Variants in PLCXD3 observed in about 807,000 individuals in gnomAD.
The protein encoded by PLCXD3 is PI-PLC X domain-containing protein 3.
In PLCXD3, 19 loss-of-function variants were observed where a neutral mutation model predicts 25.5. The observed-to-expected ratio is 0.75, with a 90% CI of 0.52 to 1.09. PLCXD3 has a LOEUF of 1.09. Ranked by LOEUF, PLCXD3 falls within the 50% of genes least tolerant of loss-of-function variation. PLCXD3 has a pLI of 0.00. For missense variants in PLCXD3, 411 were observed against 388.1 expected, an observed-to-expected ratio of 1.06 and a Z score of -0.50; for synonymous variants, 174 against 137.6, an observed-to-expected ratio of 1.26 and a Z score of -1.85.
intron 2 of PLCXD3, among the ~76,000 whole-genome samples, chr5:41,328,401 C>A (rs1743694102): frequency 6.6e-6 from 1 of 152,076 alleles, no homozygotes; most frequent in Non-Finnish European, 1.5e-5. Flanking sequence ...TTTCACAATT[C>A]CAAAGACAGA....
At position 41,330,858 on chromosome 5, in the gene PLCXD3, C is replaced by A. The variant is rs1400864386; in HGVS notation, c.813-17088G>T. On this transcript the variant is annotated intron_variant, in intron 2 of 2. Coordinates refer to ENST00000377801, the MANE Select transcript of PLCXD3 (RefSeq NM_001005473.3). ...AAAGACAAAAACCACATGATTATCT[C>A]AATAGATGCAGAAAAGACCTTTGAC... Among the ~76,000 whole-genome samples, 7 of 152,188 alleles carry A rather than the reference C, an allele frequency of 4.6e-5. No individual in the cohort carries two copies. The South Asian group carries it at 1.2e-3, about 27-fold the overall frequency.
At chr5:41,421,227 C>A (rs917696630) in intron 1 of PLCXD3, among the ~76,000 whole-genome samples, 12 of 152,188 alleles carry the variant, frequency 7.9e-5, no homozygotes, top group African/African-American at 2.7e-4. Context: ...GTTTGTGCAA[C>A]AGTTTTATAA....
intron 1 of PLCXD3, among the ~76,000 whole-genome samples, chr5:41,398,315 G>A (rs924867145): frequency 6.6e-6 from 1 of 152,134 alleles, no homozygotes; most frequent in African/African-American, 2.4e-5. Context: ...TTGTTTGAAG[G>A]TGTGTAGAAC....
Position 41,492,000 on chromosome 5 carries a change from T to C in PLCXD3, c.103+18424A>G, listed in dbSNP as rs182851613. Among the ~76,000 whole-genome samples, 242 of 152,352 alleles carry C rather than the reference T, an allele frequency of 1.6e-3. 1 individual carries two copies. The highest frequency in any genetic ancestry group is 5.0e-3 in the African/African-American group (206 of 41,584). ...TTATGATGTTAGCTGGTTATTTTGC[T>C]CATTAGTTGATGCACTTTCTTCCTA... On this transcript the variant is annotated intron_variant, in intron 1 of 2. Transcript: ENST00000377801.
At chr5:41,350,514 G>C (rs1388546052) in intron 2 of PLCXD3, among the ~76,000 whole-genome samples, 1 of 152,114 alleles carries the variant, frequency 6.6e-6, no homozygotes. Flanking sequence ...TTAGAGTATA[G>C]ATGCATTCCA....
chr5:41,487,644 A>G (rs930912369), intron 1 of PLCXD3, among the ~76,000 whole-genome samples: 1 of 152,244 alleles, frequency 6.6e-6, no homozygotes, highest in East Asian at 1.9e-4. Context: ...AAAATGGAGT[A>G]GACTAAATTA....
Position 41,381,846 on chromosome 5 carries a change from G to A in PLCXD3, c.792C>T (p.Leu264=). 6.2e-7 allele frequency: 1 copy of A among 1,608,292 alleles called. No homozygotes were observed. The highest frequency in any genetic ancestry group is 8.5e-7 in the Non-Finnish European group (1 of 1,177,756). ...STVVKGVASG[L]RETITERALP... ...CTTACCTTTCTGTGATTGTTTCTCT[G>A]AGGCCACTTGCCACCCCTTTGACCA... The change falls in exon 2 of 3, where the codon CTC becomes CTT. Residue 264 remains leucine (L), a synonymous_variant. Transcript: ENST00000377801.
At chr5:41,333,124 A>AAAACAAAC (rs528236304) in intron 2 of PLCXD3, among the ~76,000 whole-genome samples, 9 of 151,802 alleles carry the variant, frequency 5.9e-5, no homozygotes, top group African/African-American at 1.5e-4. Context: ...ATAAAAGACA[A>AAAACAAAC]AAACAAACAA....
chr5:41,399,636 A>G (rs1442991140), intron 1 of PLCXD3, among the ~76,000 whole-genome samples: 1 of 152,138 alleles, frequency 6.6e-6, no homozygotes, highest in Admixed American at 6.5e-5. Flanking sequence ...AAAACTGGCT[A>G]TCCATATGCA....
chr5:41,378,373 C>T (rs1305281742), intron 2 of PLCXD3, among the ~76,000 whole-genome samples: 1 of 152,058 alleles, frequency 6.6e-6, no homozygotes, highest in African/African-American at 2.4e-5. Flanking sequence ...AGAGTGCCAG[C>T]ACATCTATAA....
intron 2 of PLCXD3, among the ~76,000 whole-genome samples, chr5:41,360,826 T>C (rs1010209766): frequency 2.0e-5 from 3 of 152,142 alleles, no homozygotes; most frequent in Admixed American, 1.3e-4. Context: ...ATTGGTTTTG[T>C]GTTGGTTGGC....
chr5:41,314,973 T>G (rs1743246477), intron 2 of PLCXD3, among the ~76,000 whole-genome samples: 1 of 152,036 alleles, frequency 6.6e-6, no homozygotes, highest in Non-Finnish European at 1.5e-5. Context: ...AAATAAATAT[T>G]GAAGGATTAG....
intron 1 of PLCXD3, among the ~76,000 whole-genome samples, chr5:41,384,222 C>T (rs1020926191): frequency 3.3e-5 from 5 of 152,018 alleles, no homozygotes; most frequent in African/African-American, 1.2e-4. Flanking sequence ...ATAAGCAAAG[C>T]TGGGAGTTAG....
intron 2 of PLCXD3, among the ~76,000 whole-genome samples, chr5:41,323,252 G>A (rs1743529535): frequency 6.6e-6 from 1 of 152,106 alleles, no homozygotes; most frequent in Non-Finnish European, 1.5e-5. Context: ...ATGAGGTGGG[G>A]TGGTTAAAAA....
At position 41,344,232 on chromosome 5, in the gene PLCXD3, A is replaced by C. The variant is rs142052613; in HGVS notation, c.813-30462T>G. Among the ~76,000 whole-genome samples, 6 of 152,272 alleles carry C rather than the reference A, an allele frequency of 3.9e-5. 1 individual carries two copies. Among genetic ancestry groups the C allele is most frequent in the African/African-American group, 1.4e-4 (6 of 41,588 alleles). Reference sequence around the variant, plus strand: ...AAGAAGACAAAAGATAGTTTGTCCAATATTTTGTTGACATATTTGGCCAGA... The same window carrying C: ...AAGAAGACAAAAGATAGTTTGTCCACTATTTTGTTGACATATTTGGCCAGA... On this transcript the variant is annotated intron_variant, in intron 2 of 2. Coordinates refer to ENST00000377801, the MANE Select transcript of PLCXD3 (RefSeq NM_001005473.3).
At chr5:41,383,846 C>T (rs1333141566) in intron 1 of PLCXD3, among the ~76,000 whole-genome samples, 1 of 89,576 alleles carries the variant, frequency 1.1e-5, no homozygotes, top group African/African-American at 3.2e-5. Flanking sequence ...GTCTTATAAG[C>T]TATTTGAAGC....
chr5:41,314,570 G>A (rs1743232992), intron 2 of PLCXD3, among the ~76,000 whole-genome samples: 4 of 152,282 alleles, frequency 2.6e-5, no homozygotes, highest in South Asian at 4.1e-4. Flanking sequence ...TGGCTTAATA[G>A]GCCTCAGTGA....
At chr5:41,409,630 T>C (rs1746458947) in intron 1 of PLCXD3, among the ~76,000 whole-genome samples, 1 of 152,238 alleles carries the variant, frequency 6.6e-6, no homozygotes, top group Admixed American at 6.5e-5. Context: ...ATTTGCTTGT[T>C]GTCTATCTCT....
At chr5:41,495,276 G>A (rs753011723) in intron 1 of PLCXD3, among the ~76,000 whole-genome samples, 1 of 152,220 alleles carries the variant, frequency 6.6e-6, no homozygotes, top group African/African-American at 2.4e-5. Context: ...TGTCTCACCT[G>A]TAGAAGAGAG....
Sources: gnomAD v4.1 joint callset for allele counts (sites outside exome capture counted in the v4.1 genomes callset) on GRCh38, gnomAD v4.1.1 for gene constraint, MANE v1.5 for transcripts, NCBI Gene and HGNC (gene_info 2026-07-23, HGNC 2026-07-21) for gene names.